The following TONSL variants were observed in gnomAD, a reference collection of about 807,000 sequenced individuals.
The protein encoded by TONSL is tonsoku like, DNA repair protein, also known as tonsoku-like protein.
Under a neutral mutation model 147.1 loss-of-function variants are expected in TONSL, and 112 were observed. The ratio of observed to expected loss-of-function variants is 0.76; its 90% confidence interval spans 0.65 to 0.89. The LOEUF is 0.89. Among genes scored for constraint, TONSL ranks in the 40% least tolerant of loss-of-function variants. The probability of loss-of-function intolerance (pLI) is 0.00; values close to 1 mark genes in which losing one functional copy is unlikely to be tolerated. For synonymous variants in TONSL, 868 were observed against 801.5 expected (o/e 1.08, Z -1.40); for missense variants, 1,883 against 1,864.6 (o/e 1.01, Z -0.18).
At chr8:144,430,354 T>G in intron 25 of TONSL, 50 bp downstream of exon 25, 1 of 1,500,266 alleles carries the variant, frequency 6.7e-7, no homozygotes, top group Non-Finnish European at 8.9e-7. Flanking sequence ...CTCAGGCAGG[T>G]CCCTGAAAAG....
In TONSL at chr8:144,435,099, A is replaced by G; in HGVS notation, c.2924T>C (p.Leu975Pro). 1 of 1,601,392 alleles carries G rather than the reference A, an allele frequency of 6.2e-7. No individual in the cohort carries two copies. The highest frequency in any genetic ancestry group is 2.3e-5 in the East Asian group (1 of 44,256). Reference protein sequence around the residue: ...AQRYYQTCGLLPRLTLRKEGA... With the variant: ...AQRYYQTCGLPPRLTLRKEGA... ...CTCTTTCCGTAGGGTGAGCCTGGGC[A>G]GCAGCCCGCAGGTCTGGTAGTAGCG... The change falls in exon 19 of 26, where the codon CTG becomes CCG. Residue 975 changes from leucine to proline, a missense_variant. By Grantham distance (98) the Leu-to-Pro change is moderately conservative. Coordinates refer to ENST00000409379, the MANE Select transcript of TONSL (RefSeq NM_013432.5).
In TONSL at chr8:144,435,788, G is replaced by C; in HGVS notation, c.2645C>G (p.Thr882Ser). Reference protein sequence around the residue: ...PRARAKQVRLTCMQSCSAPVN... With the variant: ...PRARAKQVRLSCMQSCSAPVN... ...TGGCGCACTGCAACTCTGCATGCAGGTCAGGCGGACCTGCTTGGCTCGGGC... is the reference window on the plus strand; with the variant it reads ...TGGCGCACTGCAACTCTGCATGCAGCTCAGGCGGACCTGCTTGGCTCGGGC... Residue 882 changes from threonine (T) to serine (S), a missense_variant, in exon 17 of 26, where the codon ACC becomes AGC. Physicochemically the swap from Thr to Ser is moderately conservative, Grantham distance 58. Coordinates refer to ENST00000409379, the MANE Select transcript of TONSL (RefSeq NM_013432.5). The C allele has an allele frequency of 6.2e-7, 1 of 1,612,920 alleles. No homozygotes were observed. The highest frequency in any genetic ancestry group is 8.5e-7 in the Non-Finnish European group (1 of 1,179,926).
Position 144,443,237 on chromosome 8 carries a change from G to A in TONSL, c.349C>T (p.His117Tyr), listed in dbSNP as rs1329248047. 6.4e-7 allele frequency: 1 copy of A among 1,550,798 alleles called. No homozygotes were observed. The highest frequency in any genetic ancestry group is 2.0e-5 in the Admixed American group (1 of 51,012). Reference sequence around the variant, plus strand: ...TGGCAGTGGTCATAGATGTCCAGGTGGGTGCGGCCGATGGTGGCCCAGGCC... The same window carrying A: ...TGGCAGTGGTCATAGATGTCCAGGTAGGTGCGGCCGATGGTGGCCCAGGCC... ...QRAWATIGRT[H>Y]LDIYDHCQSR... The change falls in exon 4 of 26, where the codon CAC becomes TAC. Residue 117 changes from histidine to tyrosine, a missense_variant. Physicochemically the swap from His to Tyr is moderately conservative, Grantham distance 83 (BLOSUM62 2). Coordinates refer to ENST00000409379, the MANE Select transcript of TONSL (RefSeq NM_013432.5).
chr8:144,435,630 G>A lies in TONSL; in HGVS notation c.2775+28C>T, dbSNP rs370446802. ...CACCTGCCTGCCCGGAGTGGGGAGA[G>A]GGCTCTGCTCCAGGTCTGCATACCC... On this transcript the variant is annotated intron_variant, in intron 17 of 25. Transcript: ENST00000409379. 5.8e-5 allele frequency: 92 copies of A among 1,585,142 alleles called. No homozygotes were observed. The African/African-American group carries it at 1.1e-3, about 19-fold the overall frequency.
chr8:144,429,038 C>T lies in TONSL; in HGVS notation c.*105G>A. The T allele has an allele frequency of 7.7e-7, 1 of 1,306,624 alleles. No homozygotes were observed. Among genetic ancestry groups the T allele is most frequent in the Non-Finnish European group, 1.0e-6 (1 of 993,104 alleles). The allele number at this position is 1,306,624 out of a possible 1,614,324, so 80.9% of individuals were successfully genotyped here. ...TCTCCTGACCTCGTGATCCGCCCGC[C>T]TGGGCCTCCCAAAGTGTTGGGATTA... On this transcript the variant is annotated 3_prime_UTR_variant, in exon 26 of 26. Coordinates refer to ENST00000409379, the MANE Select transcript of TONSL (RefSeq NM_013432.5).
At chr8:144,430,637 G>A (rs1037183892) in intron 24 of TONSL, 100 bp from the exon 25 acceptor site, 7 of 1,408,840 alleles carry the variant, frequency 5.0e-6, no homozygotes, top group South Asian at 2.8e-5. Context: ...AGGGAGCCTC[G>A]GGCCAGACCC....
intron 20 of TONSL, 73 bp downstream of exon 20, chr8:144,434,738 G>C: frequency 1.3e-6 from 2 of 1,522,770 alleles, no homozygotes; most frequent in African/African-American, 1.4e-5. Flanking sequence ...GGAATGAACC[G>C]GGCTGGTGGA....
In TONSL at chr8:144,435,139, C is replaced by T. The variant is rs746481264; in HGVS notation, c.2884G>A (p.Glu962Lys). The T allele has an allele frequency of 1.5e-5, 24 of 1,570,452 alleles. No homozygotes were observed. Among genetic ancestry groups the T allele is most frequent in the South Asian group, 2.3e-5 (2 of 87,060 alleles). Residue 962 changes from glutamate (E) to lysine (K), a missense_variant, in exon 19 of 26, where the codon GAG (glutamate) becomes AAG (lysine). Glu to Lys is a moderately conservative substitution (Grantham distance 56). Coordinates refer to ENST00000409379, the MANE Select transcript of TONSL (RefSeq NM_013432.5). ...SDTHSVAWLA[E>K]QAAQRYYQTC... ...TGGTAGTAGCGCTGGGCCGCCTGCT[C>T]GGCCAGCCAGGCCACAGAGTGGGTG... is the stretch of plus-strand genomic sequence containing the variant.
At chr8:144,442,905 CT>C in intron 4 of TONSL, 99 bp from the exon 5 acceptor site, 1 of 1,452,664 alleles carries the variant, frequency 6.9e-7, no homozygotes, top group African/African-American at 1.4e-5. Flanking sequence ...CTCCTACCCC[CT>C]CCCTCCTCCC....
chr8:144,434,892 G>T lies in TONSL; in HGVS notation c.3007-3C>A, dbSNP rs1322240790. On this transcript the variant is annotated splice_polypyrimidine_tract_variant and splice_region_variant and intron_variant, in intron 19 of 25. Coordinates refer to ENST00000409379, the MANE Select transcript of TONSL (RefSeq NM_013432.5). ...CACGAAGTCACCTCAGCCAACACCTGGAAGGCACCGTCATGAGCCACCTGG... is the reference window on the plus strand; with the variant it reads ...CACGAAGTCACCTCAGCCAACACCTTGAAGGCACCGTCATGAGCCACCTGG... 3.7e-6 allele frequency: 6 copies of T among 1,613,324 alleles called. No homozygotes were observed. The South Asian group carries it at 6.6e-5, about 18-fold the overall frequency.
chr8:144,429,392 G>T, intron 25 of TONSL, 56 bp from the exon 26 acceptor site: 1 of 1,345,818 alleles, frequency 7.4e-7, no homozygotes. Context: ...GCGTCCTGGT[G>T]CCCGCGGCAG....
chr8:144,442,475 G>A (rs548117118), intron 5 of TONSL, 63 bp from the exon 6 acceptor site: 19 of 1,498,748 alleles, frequency 1.3e-5, no homozygotes, highest in Admixed American at 8.5e-5. Context: ...GATGCCACAC[G>A]GGCCCCAGCC....
chr8:144,432,492 G>A (rs781889377), intron 22 of TONSL, 32 bp from the exon 23 acceptor site: 7 of 1,516,830 alleles, frequency 4.6e-6, no homozygotes, highest in African/African-American at 2.8e-5. Context: ...TCAGCCCCAC[G>A]TGGCCACAGC....
rs200628944 is a variant in TONSL, at chr8:144,437,081, G to C, written c.1672C>G (p.Arg558Gly). Reference sequence around the variant, plus strand: ...AGAGGTGTCCAGCCACAGTAGTCCCGAGGGTTAAGGGGGTGGCCCTGTGAC... The same window carrying C: ...AGAGGTGTCCAGCCACAGTAGTCCCCAGGGTTAAGGGGGTGGCCCTGTGAC... ...LVRQGHPLNP[R>G]DYCGWTPLHE... Residue 558 changes from arginine to glycine, a missense_variant, in exon 14 of 26, where the codon CGG becomes GGG. Coordinates refer to ENST00000409379, the MANE Select transcript of TONSL (RefSeq NM_013432.5). 1 of 1,612,976 alleles carries C rather than the reference G, an allele frequency of 6.2e-7. No homozygotes were observed. The highest frequency in any genetic ancestry group is 1.3e-5 in the African/African-American group (1 of 74,910).
intron 2 of TONSL, 25 bp downstream of exon 2, chr8:144,444,155 C>G: frequency 7.1e-7 from 1 of 1,410,798 alleles, no homozygotes. Flanking sequence ...GGCCCTGCCT[C>G]CCGCCTCCTG....
At chr8:144,434,952 G>A (rs957953680) in intron 19 of TONSL, 63 bp from the exon 20 acceptor site, 7 of 1,611,720 alleles carry the variant, frequency 4.3e-6, no homozygotes, top group Non-Finnish European at 5.9e-6. Context: ...TTGCTCTGCA[G>A]CCATGAGCCA....
rs566403949 is a variant in TONSL at position 144,442,917 on chromosome 8, G to C, written c.449-111C>G. ...CCTCTCCTACCCCCTCCCTCCTCCCGAGGTGGGTGCAAGTGTCCTGCGGCA... is the reference window on the plus strand; with the variant it reads ...CCTCTCCTACCCCCTCCCTCCTCCCCAGGTGGGTGCAAGTGTCCTGCGGCA... On this transcript the variant is annotated intron_variant, in intron 4 of 25. Transcript: ENST00000409379. 1.1e-4 allele frequency: 153 copies of C among 1,420,634 alleles called. 1 individual carries two copies. In the African/African-American group the frequency reaches 2.1e-3, roughly 19 times the overall value. 88.0% of individuals were successfully genotyped at this position (1,420,634 alleles called of 1,614,324 possible).
chr8:144,431,768 C>T (rs1413980567), intron 23 of TONSL, among the ~76,000 whole-genome samples: 45 of 152,020 alleles, frequency 3.0e-4, no homozygotes, highest in African/African-American at 1.0e-3. Context: ...CCGCCTCGGC[C>T]TCCCAAAGTG....
rs767283288 is a variant in TONSL at position 144,442,087 on chromosome 8, C to G, written c.815G>C (p.Gly272Ala). Residue 272 changes from glycine (G) to alanine (A), a missense_variant, in exon 7 of 26, where the codon GGC (glycine) becomes GCC (alanine). Gly to Ala is a moderately conservative substitution (Grantham distance 60, BLOSUM62 0). Transcript: ENST00000409379. ...KRALKKAYRL[G>A]SQKPVQRAAI... ...TGCCCTCTGCACAGGCTTCTGGGAG[C>G]CCAGCCTGTAGGCCTTCTTCAGGGC... The G allele has an allele frequency of 6.2e-7, 1 of 1,612,720 alleles. No homozygotes were observed. The highest frequency in any genetic ancestry group is 8.5e-7 in the Non-Finnish European group (1 of 1,179,914).
Sources: gnomAD v4.1 joint callset for allele counts (sites outside exome capture counted in the v4.1 genomes callset) on GRCh38, gnomAD v4.1.1 for gene constraint, MANE v1.5 for transcripts, NCBI Gene and HGNC (gene_info 2026-07-23, HGNC 2026-07-21) for gene names.